CC2D2A: variants seen among roughly 807,000 people sequenced by gnomAD.
CC2D2A encodes coiled-coil and C2 domain-containing protein 2A.
CC2D2A carries 155 observed loss-of-function variants against 212.9 expected under a neutral mutation model. The ratio of observed to expected loss-of-function variants is 0.73; its 90% CI spans 0.64 to 0.83. The LOEUF (loss-of-function observed/expected upper bound fraction) is 0.83, where lower values mean the gene tolerates loss of function less well. Ranked by LOEUF, CC2D2A falls within the 40% of genes least tolerant of loss-of-function variation. CC2D2A has a pLI of 0.00. For synonymous variants in CC2D2A, 667 were observed against 686.5 expected (o/e 0.97, Z 0.44); for missense variants, 1,856 against 1,956.2 (o/e 0.95, Z 0.97).
intron 1 of CC2D2A, among the ~76,000 whole-genome samples, chr4:15,475,265 C>T (rs902068588): frequency 1.3e-5 from 2 of 152,234 alleles, no homozygotes; most frequent in African/African-American, 2.4e-5. Context: ...CAGAGTGAGA[C>T]TTCGTCTCAA....
chr4:15,528,496 T>C, intron 12 of CC2D2A, 124 bp from the exon 13 acceptor site: 1 of 672,956 alleles, frequency 1.5e-6, no homozygotes, highest in East Asian at 2.7e-5. Flanking sequence ...AGCCAGATGC[T>C]TGAACATCCG....
At position 15,516,638 on chromosome 4, in the gene CC2D2A, T is replaced by A; in HGVS notation, c.1031T>A (p.Phe344Tyr). Reference protein sequence around the residue: ...LLMQDPERRWFGDDGRILALP... With the variant: ...LLMQDPERRWYGDDGRILALP... ...CTTCATCTACAGGAAAGAAGATGGTTTGGAGATGACGGCAGGATCCTAGCT... is the reference window on the plus strand; with the variant it reads ...CTTCATCTACAGGAAAGAAGATGGTATGGAGATGACGGCAGGATCCTAGCT... The change falls in exon 11 of 37, where the codon TTT becomes TAT. Residue 344 changes from phenylalanine to tyrosine, a missense_variant. Transcript: ENST00000424120. The A allele has an allele frequency of 1.2e-6, 2 of 1,612,674 alleles. No homozygotes were observed. Among genetic ancestry groups the A allele is most frequent in the Non-Finnish European group, 1.7e-6 (2 of 1,179,134 alleles).
chr4:15,522,989 G>T lies in CC2D2A; in HGVS notation c.1150-4458G>T, dbSNP rs551292177. ...AAAAATTAGGTGGGGGTGGTGAGTG[G>T]GTGTAATCTCAGCTACTCAGGAGCC... On this transcript the variant is annotated intron_variant, in intron 11 of 36. Coordinates refer to ENST00000424120, the MANE Select transcript of CC2D2A (RefSeq NM_001378615.1). 5.9e-5 allele frequency among the ~76,000 whole-genome samples: 9 copies of T among 151,824 alleles called. No homozygotes were observed. The South Asian group carries it at 1.9e-3, about 32-fold the overall frequency.
intron 17 of CC2D2A, among the ~76,000 whole-genome samples, chr4:15,542,018 C>A (rs761864363): frequency 1.3e-5 from 2 of 152,024 alleles, no homozygotes; most frequent in African/African-American, 4.8e-5. Context: ...TTTGTGTTAG[C>A]GTAACTCTAA....
chr4:15,538,279 A>C, intron 16 of CC2D2A, 142 bp downstream of exon 16: 1 of 942,802 alleles, frequency 1.1e-6, no homozygotes, highest in Non-Finnish European at 1.5e-6. Flanking sequence ...ACTCTAAATG[A>C]ATATTAGGTT....
rs16892156 is a variant in CC2D2A at position 15,560,830 on chromosome 4, T to C, written c.3014+208T>C. Among the ~76,000 whole-genome samples, 21,187 of 152,198 alleles carry C rather than the reference T, an allele frequency of 0.14. 1,562 individuals carry two copies. Among genetic ancestry groups the C allele is most frequent in the Non-Finnish European group, 0.15 (10,295 of 67,986 alleles). On this transcript the variant is annotated intron_variant, in intron 23 of 36. Coordinates refer to ENST00000424120, the MANE Select transcript of CC2D2A (RefSeq NM_001378615.1). ...CAAGTCTTCCTAGGGCCTCTCCCAT[T>C]GCATTCCAACAAACCCCATCTCACC...
chr4:15,567,519 C>A, intron 25 of CC2D2A, 37 bp downstream of exon 25: 3 of 1,558,842 alleles, frequency 1.9e-6, no homozygotes, highest in Non-Finnish European at 2.6e-6. Context: ...CACCTTGCCC[C>A]TTAAGTTTTT....
rs1553845963 is a variant in CC2D2A at position 15,601,425 on chromosome 4, A to T, written c.4863A>T (p.Ter1621TyrextTer17). 1 of 1,459,004 alleles carries T rather than the reference A, an allele frequency of 6.9e-7. No individual in the cohort carries two copies. Among genetic ancestry groups the T allele is most frequent in the Non-Finnish European group, 9.1e-7 (1 of 1,099,380 alleles). 90.4% of individuals were successfully genotyped at this position (1,459,004 alleles called of 1,614,324 possible). Reference sequence around the variant, plus strand: ...TTGCCTCTCTTATACGCAACAGGTAATTTTTTTCACTGTACTTTCTGTATC... The same window carrying T: ...TTGCCTCTCTTATACGCAACAGGTATTTTTTTTCACTGTACTTTCTGTATC... ...IYVASLIRNR[*>Y] The change falls in exon 37 of 37, where the codon TAA becomes TAT. Residue 1621 changes from the stop codon to tyrosine (Y), a stop_lost. Transcript: ENST00000424120.
rs1217549088 is a variant in CC2D2A at position 15,516,597 on chromosome 4, G to T, written c.1018-28G>T. On this transcript the variant is annotated intron_variant, in intron 10 of 36. Transcript: ENST00000424120. ...ATTTTCTGTTCGATTAGAAGAAAAT[G>T]TTGCCATTCCCTCTGCTTCATCTAC... The T allele has an allele frequency of 3.8e-6, 6 of 1,595,412 alleles. No individual in the cohort carries two copies. The East Asian group carries it at 1.3e-4, about 36-fold the overall frequency.
chr4:15,483,218 A>T (rs557421308), intron 4 of CC2D2A, among the ~76,000 whole-genome samples: 69 of 152,382 alleles, frequency 4.5e-4, no homozygotes, highest in African/African-American at 1.6e-3. Context: ...ACAAGTAAAA[A>T]GGAATGATGA....
chr4:15,479,380 T>C, intron 3 of CC2D2A: 1 of 1,354,892 alleles, frequency 7.4e-7, no homozygotes, highest in Non-Finnish European at 1.0e-6. Context: ...GGGAAGCAGC[T>C]ATTGTGGATG....
Position 15,475,955 on chromosome 4 carries a change from TA to T in CC2D2A, c.28del (p.Ile10Ter). 2 of 1,590,178 alleles carry T rather than the reference TA, an allele frequency of 1.3e-6. No homozygotes were observed. Among genetic ancestry groups the T allele is most frequent in the Non-Finnish European group, 1.7e-6 (2 of 1,167,484 alleles). MNPREEK[V>X]KIITEEFIEN... Reference sequence around the variant, plus strand: ...AAAATGAATCCCAGGGAAGAAAAAGTAAAAATAATTACAGAGGTAAGTGGCC... The same window carrying T: ...AAAATGAATCCCAGGGAAGAAAAAGTAAAATAATTACAGAGGTAAGTGGCC... On this transcript the variant is annotated frameshift_variant, in exon 2 of 37. Coordinates refer to ENST00000424120, the MANE Select transcript of CC2D2A (RefSeq NM_001378615.1). LOFTEE classifies it high-confidence loss of function.
chr4:15,511,548 C>T, intron 8 of CC2D2A, 125 bp downstream of exon 8: 2 of 866,158 alleles, frequency 2.3e-6, no homozygotes, highest in Non-Finnish European at 3.3e-6. Flanking sequence ...CACTCCACGT[C>T]TGAGTTGAAA....
intron 17 of CC2D2A, among the ~76,000 whole-genome samples, chr4:15,548,327 G>A (rs536017067): frequency 1.3e-5 from 2 of 152,074 alleles, no homozygotes; most frequent in East Asian, 3.9e-4. Context: ...CAGAAACTAG[G>A]AATAAGCCGC....
At chr4:15,593,613 T>C (rs1448452086) in intron 33 of CC2D2A, among the ~76,000 whole-genome samples, 1 of 152,162 alleles carries the variant, frequency 6.6e-6, no homozygotes, top group Non-Finnish European at 1.5e-5. Flanking sequence ...CTGATTCCCC[T>C]TTGCAGTCTT....
At chr4:15,518,987 G>T (rs753192179) in intron 11 of CC2D2A, among the ~76,000 whole-genome samples, 1 of 152,126 alleles carries the variant, frequency 6.6e-6, no homozygotes, top group Non-Finnish European at 1.5e-5. Flanking sequence ...ATAAACATTC[G>T]GCTCCATGTT....
intron 30 of CC2D2A, among the ~76,000 whole-genome samples, chr4:15,581,930 T>C (rs538229478): frequency 6.6e-6 from 1 of 152,132 alleles, no homozygotes; most frequent in African/African-American, 2.4e-5. Flanking sequence ...CAATGAAAGA[T>C]CATCAATGAA....
intron 4 of CC2D2A, among the ~76,000 whole-genome samples, chr4:15,484,049 T>A (rs1714857985): frequency 6.6e-6 from 1 of 152,132 alleles, no homozygotes; most frequent in African/African-American, 2.4e-5. Flanking sequence ...GAGTTTATAC[T>A]CCAGTTGTGG....
chr4:15,564,076 A>G (rs1560185049), intron 24 of CC2D2A: 2 of 154,126 alleles, frequency 1.3e-5, no homozygotes, highest in Non-Finnish European at 2.9e-5. Context: ...GTTCTGAAAC[A>G]TATGTGCTGT....
Sources: allele counts gnomAD v4.1 joint callset (sites outside exome capture counted in the v4.1 genomes callset), GRCh38; gene constraint gnomAD v4.1.1; transcripts MANE v1.5; gene names NCBI Gene and HGNC (gene_info 2026-07-23, HGNC 2026-07-21).